GLIS3: variants seen among roughly 807,000 people sequenced by gnomAD.
The protein encoded by GLIS3 is zinc finger protein GLIS3.
In GLIS3, 53 loss-of-function variants were observed where a neutral mutation model predicts 78.6. That is an observed-to-expected ratio of 0.67 (90% confidence interval 0.54 to 0.85). The LOEUF (loss-of-function observed/expected upper bound fraction) is 0.85, where lower values mean the gene tolerates loss of function less well. Among genes scored for constraint, GLIS3 ranks in the 40% least tolerant of loss-of-function variants. The pLI, the probability that GLIS3 is intolerant of heterozygous loss-of-function variation, is 0.00. For synonymous variants in GLIS3, 684 were observed against 509.9 expected (o/e 1.34, Z -4.60); for missense variants, 1,703 against 1,231.1 (o/e 1.38, Z -5.74).
intron 2 of GLIS3, among the ~76,000 whole-genome samples, chr9:4,259,735 G>C (rs923437164): frequency 1.3e-5 from 2 of 152,176 alleles, no homozygotes; most frequent in Admixed American, 6.5e-5. Flanking sequence ...AGATGGGGTG[G>C]GGTGGGCAGC....
At chr9:4,059,822 G>GTGTGTGTGTGTGTGTC (rs1327284673) in intron 4 of GLIS3, among the ~76,000 whole-genome samples, 2 of 131,076 alleles carry the variant, frequency 1.5e-5, no homozygotes, top group African/African-American at 5.9e-5. Flanking sequence ...GTGTGTGTGT[G>GTGTGTGTGTGTGTGTC]TGTGTGTGAG....
chr9:4,264,866 C>T (rs1432911631), intron 2 of GLIS3, among the ~76,000 whole-genome samples: 3 of 152,048 alleles, frequency 2.0e-5, no homozygotes, highest in Non-Finnish European at 4.4e-5. Flanking sequence ...CTCAAATACT[C>T]AGTGAAATAA....
chr9:4,311,260 T>G, intron 2 of GLIS3, among the ~76,000 whole-genome samples: 1 of 152,012 alleles, frequency 6.6e-6, no homozygotes, highest in East Asian at 1.9e-4. Flanking sequence ...AATACAAAAA[T>G]TATCCGGGCG....
intron 4 of GLIS3, among the ~76,000 whole-genome samples, chr9:4,016,844 G>A (rs1489321314): frequency 2.0e-5 from 3 of 152,126 alleles, no homozygotes; most frequent in African/African-American, 7.2e-5. Context: ...ATTACCAGCT[G>A]GCATATGATC....
chr9:4,334,167 T>C (rs115895132), intron 2 of GLIS3, among the ~76,000 whole-genome samples: 1,822 of 152,312 alleles, frequency 0.012, 39 homozygotes, highest in African/African-American at 0.042. Context: ...GTAATAGGAA[T>C]TGATTCTACT....
At chr9:3,891,568 G>A (rs1822451091) in intron 7 of GLIS3, among the ~76,000 whole-genome samples, 1 of 152,164 alleles carries the variant, frequency 6.6e-6, no homozygotes, top group Admixed American at 6.5e-5. Context: ...CAGGTGTGGT[G>A]GCACATACCT....
At chr9:4,165,818 T>A (rs1835843154) in intron 2 of GLIS3, among the ~76,000 whole-genome samples, 1 of 152,102 alleles carries the variant, frequency 6.6e-6, no homozygotes, top group African/African-American at 2.4e-5. Flanking sequence ...TTGGGTGAGA[T>A]TGCTCAGGCA....
At chr9:4,018,735 A>G (rs1470561009) in intron 4 of GLIS3, among the ~76,000 whole-genome samples, 2 of 152,162 alleles carry the variant, frequency 1.3e-5, no homozygotes, top group Non-Finnish European at 2.9e-5. Flanking sequence ...AGGCAGGTAT[A>G]CACACTTGGA....
At chr9:3,954,950 A>G (rs1020699611) in intron 4 of GLIS3, among the ~76,000 whole-genome samples, 4 of 152,250 alleles carry the variant, frequency 2.6e-5, no homozygotes, top group Admixed American at 6.5e-5. Flanking sequence ...CACATGGAAT[A>G]AGCCGGTGGA....
At chr9:3,945,299 G>A (rs564367478) in intron 4 of GLIS3, among the ~76,000 whole-genome samples, 9 of 152,022 alleles carry the variant, frequency 5.9e-5, no homozygotes, top group South Asian at 2.1e-4. Flanking sequence ...AATATAAAGC[G>A]TACAAATAAA....
chr9:4,204,026 G>T (rs1387584073), intron 2 of GLIS3, among the ~76,000 whole-genome samples: 1 of 152,176 alleles, frequency 6.6e-6, no homozygotes, highest in Non-Finnish European at 1.5e-5. Flanking sequence ...GCGTTAACAT[G>T]ATCCATCCTC....
chr9:4,013,545 C>T lies in GLIS3; in HGVS notation c.1711-76356G>A, dbSNP rs117592138. Among the ~76,000 whole-genome samples, 44 of 152,258 alleles carry T rather than the reference C, an allele frequency of 2.9e-4. No homozygotes were observed. The East Asian group carries it at 6.6e-3, about 23-fold the overall frequency. Reference sequence around the variant, plus strand: ...GCATACACATCTATACATTTATAGCCTGCATACAGGGCCTAGCACAGAGCA... The same window carrying T: ...GCATACACATCTATACATTTATAGCTTGCATACAGGGCCTAGCACAGAGCA... On this transcript the variant is annotated intron_variant, in intron 4 of 10. Transcript: ENST00000381971.
At chr9:4,220,487 C>A (rs1012860606) in intron 2 of GLIS3, among the ~76,000 whole-genome samples, 22 of 152,182 alleles carry the variant, frequency 1.4e-4, no homozygotes, top group African/African-American at 5.1e-4. Context: ...TTGATGCCCA[C>A]TGATGTAATG....
the GLIS3 span, among the ~76,000 whole-genome samples, chr9:4,466,146 C>A: frequency 1.5e-4 from 23 of 152,174 alleles, no homozygotes; most frequent in Admixed American, 5.2e-4. Context: ...ATCTAAAGGA[C>A]CTTAAAGATA....
Position 3,963,313 on chromosome 9 carries a change from C to T in GLIS3, c.1711-26124G>A, listed in dbSNP as rs185795116. On this transcript the variant is annotated intron_variant, in intron 4 of 10. Transcript: ENST00000381971. ...CATTAATTCGACATGTTCACACATCCCCTGCACTTCTGGAGCTCTGAACAA... is the reference window on the plus strand; with the variant it reads ...CATTAATTCGACATGTTCACACATCTCCTGCACTTCTGGAGCTCTGAACAA... 8.6e-4 allele frequency among the ~76,000 whole-genome samples: 131 copies of T among 152,270 alleles called. 3 individuals are homozygous for T. Among genetic ancestry groups the T allele is most frequent in the Admixed American group, 1.1e-3 (17 of 15,300 alleles).
the GLIS3 span, among the ~76,000 whole-genome samples, chr9:4,372,226 G>C: frequency 6.6e-6 from 1 of 152,184 alleles, no homozygotes; most frequent in South Asian, 2.1e-4. Context: ...GCAGTTGCCA[G>C]GACCCCGTGC....
the GLIS3 span, among the ~76,000 whole-genome samples, chr9:4,420,157 TG>T: frequency 3.9e-5 from 6 of 152,258 alleles, no homozygotes; most frequent in African/African-American, 1.4e-4. Context: ...GTAATTCTAA[TG>T]GGCAACCAAA....
At chr9:4,315,753 G>T (rs1159625534) in intron 2 of GLIS3, among the ~76,000 whole-genome samples, 2 of 152,164 alleles carry the variant, frequency 1.3e-5, no homozygotes, top group Non-Finnish European at 2.9e-5. Flanking sequence ...ACCCAAGAGG[G>T]AGGTTCCTGG....
chr9:3,857,987 C>A (rs1037951739), intron 8 of GLIS3, among the ~76,000 whole-genome samples: 2 of 152,270 alleles, frequency 1.3e-5, no homozygotes, highest in Non-Finnish European at 2.9e-5. Context: ...AACACCTAAT[C>A]CCAAATCCCC....
Sources: allele counts gnomAD v4.1 joint callset (sites outside exome capture counted in the v4.1 genomes callset), GRCh38; gene constraint gnomAD v4.1.1; transcripts MANE v1.5; gene names NCBI Gene and HGNC (gene_info 2026-07-23, HGNC 2026-07-21).